The following RANBP2 variants were observed in gnomAD, a reference collection of about 807,000 sequenced individuals.
The protein encoded by RANBP2 is RAN binding protein 2.
In RANBP2, 57 loss-of-function variants were observed where a neutral mutation model predicts 303.6. The ratio of observed to expected loss-of-function variants is 0.19; its 90% CI spans 0.15 to 0.23. RANBP2 has a LOEUF of 0.23. RANBP2 is among the 10% of genes least tolerant of loss of function. The probability of loss-of-function intolerance (pLI) is 1.00; values close to 1 mark genes in which losing one functional copy is unlikely to be tolerated. For missense variants in RANBP2, 3,138 were observed against 3,780.8 expected, an observed-to-expected ratio of 0.83 and a Z score of 4.46; for synonymous variants, 1,167 against 1,301.5, an observed-to-expected ratio of 0.90 and a Z score of 2.23.
the RANBP2 span, among the ~76,000 whole-genome samples, chr2:109,565,081 C>T: frequency 6.6e-6 from 1 of 152,052 alleles, no homozygotes; most frequent in Non-Finnish European, 1.5e-5. Context: ...TTACGGTGAC[C>T]AGAGGACTAC....
the RANBP2 span, among the ~76,000 whole-genome samples, chr2:109,242,065 CG>C: frequency 6.6e-6 from 1 of 151,484 alleles, no homozygotes; most frequent in Admixed American, 6.6e-5. Flanking sequence ...CTGGTGTAGA[CG>C]GGGGTGTCAT....
the RANBP2 span, among the ~76,000 whole-genome samples, chr2:109,203,026 C>T: frequency 2.6e-3 from 401 of 152,300 alleles, 2 homozygotes; most frequent in African/African-American, 9.3e-3. Context: ...CTGGCCTGGC[C>T]ATGGTCCTAC....
the RANBP2 span, among the ~76,000 whole-genome samples, chr2:109,043,968 G>C: frequency 2.6e-5 from 4 of 152,072 alleles, no homozygotes; most frequent in African/African-American, 4.8e-5. Context: ...GGGATGGTGA[G>C]GCCAGGCTGG....
At chr2:109,618,618 C>T in the RANBP2 span, 1 of 166,884 alleles carries the variant, frequency 6.0e-6, no homozygotes, top group Admixed American at 6.5e-5. Flanking sequence ...TTTTCAGTTT[C>T]CAGTCAAGAT....
the RANBP2 span, among the ~76,000 whole-genome samples, chr2:109,357,794 C>G: frequency 4.1e-4 from 62 of 152,266 alleles, no homozygotes; most frequent in East Asian, 7.5e-3. Context: ...AAGTTCACAG[C>G]AAAATTGAGC....
At chr2:109,323,702 TG>T in the RANBP2 span, among the ~76,000 whole-genome samples, 1 of 152,214 alleles carries the variant, frequency 6.6e-6, no homozygotes, top group East Asian at 1.9e-4. Context: ...AAGGTGAAGG[TG>T]GCCTGCTCTT....
chr2:109,610,034 G>C, the RANBP2 span, among the ~76,000 whole-genome samples: 2 of 151,714 alleles, frequency 1.3e-5, no homozygotes, highest in African/African-American at 4.8e-5. Context: ...ATATGACACA[G>C]AGCAGATCTC....
the RANBP2 span, among the ~76,000 whole-genome samples, chr2:109,150,448 T>TA: frequency 1.2e-4 from 19 of 152,200 alleles, no homozygotes; most frequent in Middle Eastern, 3.2e-3. Flanking sequence ...TTATTTCACT[T>TA]AAAAAACAAT....
chr2:109,196,803 T>A, the RANBP2 span, among the ~76,000 whole-genome samples: 1 of 152,118 alleles, frequency 6.6e-6, no homozygotes, highest in African/African-American at 2.4e-5. Flanking sequence ...TAGCATACGG[T>A]CTGACTGCTG....
At chr2:109,468,736 C>A in the RANBP2 span, among the ~76,000 whole-genome samples, 1 of 151,418 alleles carries the variant, frequency 6.6e-6, no homozygotes, top group Non-Finnish European at 1.5e-5. Flanking sequence ...CACCTGTAAT[C>A]CCAGCTACTC....
At chr2:108,794,551 A>G in the RANBP2 span, 32 of 1,596,860 alleles carry the variant, frequency 2.0e-5, no homozygotes, top group East Asian at 4.7e-4. Flanking sequence ...TGCCTTGCCA[A>G]CTAATACGAC....
At chr2:109,651,218 C>T in the RANBP2 span, among the ~76,000 whole-genome samples, 2 of 152,130 alleles carry the variant, frequency 1.3e-5, no homozygotes, top group Non-Finnish European at 2.9e-5. Flanking sequence ...CCCCTTGATT[C>T]CTGGGCCTGT....
At chr2:109,209,843 A>G in the RANBP2 span, among the ~76,000 whole-genome samples, 2 of 152,220 alleles carry the variant, frequency 1.3e-5, no homozygotes, top group African/African-American at 2.4e-5. Flanking sequence ...CAAAACATAT[A>G]TTACATAAAT....
intron 6 of RANBP2, among the ~76,000 whole-genome samples, chr2:108,738,544 CAG>C (rs1323232817): frequency 2.0e-5 from 3 of 151,812 alleles, no homozygotes; most frequent in Admixed American, 2.0e-4. Context: ...TTATTTCTAT[CAG>C]TGTTTATTAC....
chr2:109,706,924 C>T, the RANBP2 span, among the ~76,000 whole-genome samples: 1 of 152,136 alleles, frequency 6.6e-6, no homozygotes, highest in South Asian at 2.1e-4. Flanking sequence ...GTTTCAGTTC[C>T]ACCGAGGGAG....
At chr2:109,019,940 C>A in the RANBP2 span, among the ~76,000 whole-genome samples, 1 of 152,094 alleles carries the variant, frequency 6.6e-6, no homozygotes, top group Non-Finnish European at 1.5e-5. Flanking sequence ...GTCTGCATTC[C>A]CAGGAACAGA....
At chr2:108,921,902 C>T in the RANBP2 span, among the ~76,000 whole-genome samples, 1 of 152,224 alleles carries the variant, frequency 6.6e-6, no homozygotes, top group African/African-American at 2.4e-5. Flanking sequence ...CCTTCAGGGC[C>T]GGATTCTAAG....
chr2:108,796,275 C>G, the RANBP2 span, among the ~76,000 whole-genome samples: 6 of 151,370 alleles, frequency 4.0e-5, no homozygotes, highest in East Asian at 1.2e-3. Context: ...AGGATGGTCT[C>G]GATCTCCTGA....
At chr2:109,489,578 C>G in the RANBP2 span, among the ~76,000 whole-genome samples, 1 of 152,198 alleles carries the variant, frequency 6.6e-6, no homozygotes, top group East Asian at 1.9e-4. Flanking sequence ...GCCAGGGTCC[C>G]GTGACAGAGA....
Sources: gnomAD v4.1 joint callset for allele counts (sites outside exome capture counted in the v4.1 genomes callset) on GRCh38, gnomAD v4.1.1 for gene constraint, MANE v1.5 for transcripts, NCBI Gene and HGNC (gene_info 2026-07-23, HGNC 2026-07-21) for gene names.